DYNLRB2: variants seen among roughly 807,000 people sequenced by gnomAD.
DYNLRB2 encodes the protein bithoraxoid-like protein.
DYNLRB2 carries 14 observed loss-of-function variants against 12.6 expected under a neutral mutation model. The ratio of observed to expected loss-of-function variants is 1.11; its 90% CI spans 0.73 to 1.73. The LOEUF is 1.73. DYNLRB2 is among the 40% of genes most tolerant of loss of function. The pLI is 0.00. For synonymous variants in DYNLRB2, 53 were observed against 37.0 expected, an observed-to-expected ratio of 1.43 and a Z score of -1.57; for missense variants, 142 against 117.7, an observed-to-expected ratio of 1.21 and a Z score of -0.95.
intron 2 of DYNLRB2, chr16:80,547,954 T>C (rs1370361098): frequency 6.1e-6 from 2 of 325,994 alleles, no homozygotes. Flanking sequence ...GAAAGAGAAA[T>C]CAGTCTTCAA....
At chr16:80,550,373 A>C in intron 3 of DYNLRB2, 142 bp from the exon 4 acceptor site, 16 of 825,226 alleles carry the variant, frequency 1.9e-5, no homozygotes, top group Non-Finnish European at 2.9e-5. Context: ...CTGAACAGGT[A>C]ATTCATACGT....
At chr16:80,545,600 G>A (rs1904403420) in intron 2 of DYNLRB2, among the ~76,000 whole-genome samples, 2 of 150,360 alleles carry the variant, frequency 1.3e-5, no homozygotes, top group Non-Finnish European at 3.0e-5. Flanking sequence ...ATTTTCCTGA[G>A]GTTCCTCAAT....
At chr16:80,544,816 T>C (rs1237032404) in intron 2 of DYNLRB2, 2 of 152,252 alleles carry the variant, frequency 1.3e-5, no homozygotes, top group East Asian at 3.8e-4. Context: ...CAATCTTTAG[T>C]GTTCCTTGGC....
intron 1 of DYNLRB2, chr16:80,541,414 GC>G: frequency 4.1e-6 from 4 of 984,212 alleles, no homozygotes; most frequent in African/African-American, 1.7e-5. Context: ...CAAAGAGGGG[GC>G]GGGAGGCCGA....
At chr16:80,549,421 C>T in intron 2 of DYNLRB2, 63 bp from the exon 3 acceptor site, 1 of 1,429,594 alleles carries the variant, frequency 7.0e-7, no homozygotes, top group African/African-American at 1.4e-5. Context: ...CCAATACTTC[C>T]ACACTGTACT....
intron 2 of DYNLRB2, among the ~76,000 whole-genome samples, chr16:80,546,909 T>C (rs1012698678): frequency 6.6e-6 from 1 of 152,192 alleles, no homozygotes; most frequent in African/African-American, 2.4e-5. Flanking sequence ...CTTACTAGGA[T>C]CACAGGGAGT....
chr16:80,546,947 T>G (rs956317496), intron 2 of DYNLRB2, among the ~76,000 whole-genome samples: 15 of 152,214 alleles, frequency 9.9e-5, no homozygotes, highest in African/African-American at 3.6e-4. Flanking sequence ...CCATCAGATT[T>G]TAGAATGCAC....
rs903276053 is a variant in DYNLRB2, at chr16:80,546,475, A to G, written c.80-3009A>G. ...TAGATATCATCATATGCCATTTTATATATAGTCCTTCGGTTTCACTGTTAC... is the reference window on the plus strand; with the variant it reads ...TAGATATCATCATATGCCATTTTATGTATAGTCCTTCGGTTTCACTGTTAC... On this transcript the variant is annotated intron_variant, in intron 2 of 3. Transcript: ENST00000305904. Among the ~76,000 whole-genome samples, 10 of 152,364 alleles carry G rather than the reference A, an allele frequency of 6.6e-5. 1 individual carries two copies. In the South Asian group the frequency reaches 2.1e-3, roughly 32 times the overall value.
At chr16:80,547,631 G>T in intron 2 of DYNLRB2, 2 of 365,170 alleles carry the variant, frequency 5.5e-6, no homozygotes, top group South Asian at 2.1e-5. Context: ...TGTATTTCTT[G>T]TTTTCCTACT....
chr16:80,550,692 C>A lies in DYNLRB2; in HGVS notation c.*134C>A. 1 of 979,862 alleles carries A rather than the reference C, an allele frequency of 1.0e-6. No individual in the cohort carries two copies. The highest frequency in any genetic ancestry group is 1.6e-6 in the Non-Finnish European group (1 of 634,764). The allele number at this position is 979,862 out of a possible 1,614,324, so 60.7% of individuals were successfully genotyped here. On this transcript the variant is annotated 3_prime_UTR_variant, in exon 4 of 4. Coordinates refer to ENST00000305904, the MANE Select transcript of DYNLRB2 (RefSeq NM_130897.3). The stretch of plus-strand genomic sequence containing the variant: ...CTATTTCTATATCTAAACTGTTCTG[C>A]ATGTCTCATTTAGTCCCTTTTGATT...
rs1904787089 is a variant in DYNLRB2, at chr16:80,550,625, A to G, written c.*67A>G. ...AACACTTGGCTCTCTCATGAGTATTAAAATTCTATTTCAATCTAACTGACC... is the reference window on the plus strand; with the variant it reads ...AACACTTGGCTCTCTCATGAGTATTGAAATTCTATTTCAATCTAACTGACC... On this transcript the variant is annotated 3_prime_UTR_variant, in exon 4 of 4. Coordinates refer to ENST00000305904, the MANE Select transcript of DYNLRB2 (RefSeq NM_130897.3). The G allele has an allele frequency of 6.5e-7, 1 of 1,531,464 alleles. No individual in the cohort carries two copies. The highest frequency in any genetic ancestry group is 9.0e-7 in the Non-Finnish European group (1 of 1,105,552). 94.9% of individuals were successfully genotyped at this position (1,531,464 alleles called of 1,614,324 possible).
chr16:80,549,317 A>T (rs1167925405), intron 2 of DYNLRB2, 167 bp from the exon 3 acceptor site: 4 of 623,126 alleles, frequency 6.4e-6, no homozygotes, highest in Non-Finnish European at 1.0e-5. Flanking sequence ...AAATCTACGT[A>T]GCGACAAAAG....
intron 3 of DYNLRB2, 24 bp from the exon 4 acceptor site, chr16:80,550,491 T>A: frequency 1.2e-6 from 2 of 1,613,626 alleles, no homozygotes; most frequent in South Asian, 2.2e-5. Flanking sequence ...TAAGGGTGAA[T>A]TGATTTTATC....
chr16:80,543,075 G>C (rs993827280), intron 1 of DYNLRB2, among the ~76,000 whole-genome samples: 1 of 152,220 alleles, frequency 6.6e-6, no homozygotes, highest in African/African-American at 2.4e-5. Flanking sequence ...GATTCATCAG[G>C]ATTGTATCCA....
At chr16:80,542,028 A>G (rs1197738152) in intron 1 of DYNLRB2, among the ~76,000 whole-genome samples, 1 of 152,126 alleles carries the variant, frequency 6.6e-6, no homozygotes, top group African/African-American at 2.4e-5. Context: ...ACAGGAGAAA[A>G]TTTCTGTTGC....
intron 2 of DYNLRB2, chr16:80,548,970 G>T (rs9937217): frequency 0.2 from 91,474 of 455,614 alleles, 10,611 homozygotes; most frequent in Middle Eastern, 0.36. Flanking sequence ...ATGTCACAGA[G>T]CAAGAACTTC....
chr16:80,548,800 C>T (rs537102110), intron 2 of DYNLRB2: 21 of 339,654 alleles, frequency 6.2e-5, no homozygotes, highest in African/African-American at 3.2e-4. Flanking sequence ...GTGCAAACCA[C>T]GGAATGCACA....
intron 1 of DYNLRB2, among the ~76,000 whole-genome samples, chr16:80,542,144 C>G (rs976497229): frequency 1.1e-4 from 17 of 152,152 alleles, no homozygotes; most frequent in African/African-American, 4.1e-4. Context: ...ATGATAGGCT[C>G]TCTCTTCATT....
At chr16:80,548,839 T>A (rs1904649186) in intron 2 of DYNLRB2, 3 of 427,532 alleles carry the variant, frequency 7.0e-6, no homozygotes. Flanking sequence ...TATTACCACA[T>A]TTTCTAACAT....
Sources: gnomAD v4.1 joint callset for allele counts (sites outside exome capture counted in the v4.1 genomes callset) on GRCh38, gnomAD v4.1.1 for gene constraint, MANE v1.5 for transcripts, NCBI Gene and HGNC (gene_info 2026-07-23, HGNC 2026-07-21) for gene names.